PCDHA6: variants seen among roughly 807,000 people sequenced by gnomAD.
PCDHA6 encodes the protein protocadherin alpha-6.
PCDHA6 carries 55 observed loss-of-function variants against 60.3 expected under a neutral mutation model. The observed-to-expected ratio is 0.91, with a 90% confidence interval of 0.73 to 1.14. The LOEUF (loss-of-function observed/expected upper bound fraction) is 1.14, where lower values mean the gene tolerates loss of function less well. PCDHA6 is among the 50% of genes most tolerant of loss of function. The pLI is 0.00. For missense variants in PCDHA6, 1,327 were observed against 1,256.5 expected, an observed-to-expected ratio of 1.06 and a Z score of -0.85; for synonymous variants, 652 against 557.9, an observed-to-expected ratio of 1.17 and a Z score of -2.38.
At chr5:140,977,284 G>T (rs1377580391) in intron 1 of PCDHA6, among the ~76,000 whole-genome samples, 1 of 152,210 alleles carries the variant, frequency 6.6e-6, no homozygotes, top group Admixed American at 6.5e-5. Flanking sequence ...TCAAAGGAAG[G>T]TTCTCTCAGC....
chr5:140,944,058 G>A (rs185843356), intron 1 of PCDHA6, among the ~76,000 whole-genome samples: 116 of 152,248 alleles, frequency 7.6e-4, no homozygotes, highest in African/African-American at 2.7e-3. Flanking sequence ...ATACAAAAAG[G>A]TTTCTTGTTA....
At chr5:140,978,740 A>G (rs2096821027) in intron 1 of PCDHA6, among the ~76,000 whole-genome samples, 1 of 152,254 alleles carries the variant, frequency 6.6e-6, no homozygotes, top group Non-Finnish European at 1.5e-5. Flanking sequence ...CTTCCAGGGT[A>G]TCTAATCTGT....
intron 1 of PCDHA6, among the ~76,000 whole-genome samples, chr5:140,886,246 A>G (rs1337527671): frequency 1.3e-5 from 2 of 152,144 alleles, no homozygotes; most frequent in Admixed American, 1.3e-4. Flanking sequence ...AAATAAATAA[A>G]AGTATCTCTA....
In PCDHA6 at chr5:140,867,382, C is replaced by T. The variant is rs1201158672; in HGVS notation, c.2394+36897C>T. ...TTTTACAGATGCGTAATGGAATTAA[C>T]GGTTATAAAAGTTGATATGTCTCCT... On this transcript the variant is annotated intron_variant, in intron 1 of 3. Coordinates refer to ENST00000529310, the MANE Select transcript of PCDHA6 (RefSeq NM_018909.4). The T allele has an allele frequency of 4.6e-5, 7 of 152,006 alleles. No individual in the cohort carries two copies. In the East Asian group the frequency reaches 7.7e-4, roughly 17 times the overall value. 9.4% of individuals were successfully genotyped at this position (152,006 alleles called of 1,614,324 possible).
At chr5:140,945,790 T>C (rs1340396620) in intron 1 of PCDHA6, among the ~76,000 whole-genome samples, 2 of 152,010 alleles carry the variant, frequency 1.3e-5, no homozygotes, top group South Asian at 2.1e-4. Context: ...TGCAGAAAAA[T>C]GAAACTAGAC....
intron 3 of PCDHA6, among the ~76,000 whole-genome samples, chr5:140,989,715 G>A (rs2097356088): frequency 6.6e-6 from 1 of 152,166 alleles, no homozygotes; most frequent in Non-Finnish European, 1.5e-5. Flanking sequence ...GAGGCAGTCA[G>A]CTTTGCAGTT....
At chr5:140,967,996 C>T in intron 1 of PCDHA6, 2 of 1,614,214 alleles carry the variant, frequency 1.2e-6, no homozygotes, top group Non-Finnish European at 1.7e-6. Flanking sequence ...CACTGCCTTT[C>T]CGACTGAATG....
chr5:140,882,124 C>T (rs1166492594), intron 1 of PCDHA6: 2 of 1,459,646 alleles, frequency 1.4e-6, no homozygotes, highest in African/African-American at 1.4e-5. Flanking sequence ...CCGTTTCTTT[C>T]TTCCTGCAGA....
chr5:140,850,743 T>C, intron 1 of PCDHA6: 1 of 1,597,890 alleles, frequency 6.3e-7, no homozygotes, highest in Non-Finnish European at 8.6e-7. Context: ...GAGTTGGTCG[T>C]ACTCGCAGCA....
At chr5:140,940,940 G>T (rs187772223) in intron 1 of PCDHA6, among the ~76,000 whole-genome samples, 1 of 152,254 alleles carries the variant, frequency 6.6e-6, no homozygotes, top group Non-Finnish European at 1.5e-5. Context: ...CTTAGACTAC[G>T]TATTCTCAGA....
At chr5:140,849,348 G>A (rs1426659578) in intron 1 of PCDHA6, 2 of 1,434,152 alleles carry the variant, frequency 1.4e-6, no homozygotes, top group Non-Finnish European at 9.5e-7. Flanking sequence ...CTCCAGTGAT[G>A]TTTCTCCAGA....
At chr5:140,893,880 G>T (rs1426434148) in intron 1 of PCDHA6, among the ~76,000 whole-genome samples, 1 of 152,090 alleles carries the variant, frequency 6.6e-6, no homozygotes, top group African/African-American at 2.4e-5. Flanking sequence ...ATCCAAAGTG[G>T]CCAGAAAGTT....
chr5:140,893,781 G>A (rs113070458), intron 1 of PCDHA6, among the ~76,000 whole-genome samples: 3 of 151,996 alleles, frequency 2.0e-5, no homozygotes, highest in African/African-American at 4.8e-5. Flanking sequence ...TTCTTTTACC[G>A]TTTTTAGAAT....
At position 140,982,483 on chromosome 5, in the gene PCDHA6, A is replaced by C. The variant is rs1554244276; in HGVS notation, c.2462A>C (p.His821Pro). 1.2e-5 allele frequency: 20 copies of C among 1,614,142 alleles called. No homozygotes were observed. In the South Asian group the frequency reaches 1.9e-4, roughly 15 times the overall value. The stretch of plus-strand genomic sequence containing the variant: ...TCTGTGTGTTTATTCAGCTCTGTGC[A>C]CCTAGAGGAGGCTGGCATTCTACGG... ...SLRAGMHSSV[H>P]LEEAGILRAG... The change falls in exon 3 of 4, where the codon CAC becomes CCC. Residue 821 changes from histidine to proline, a missense_variant. By Grantham distance (77) the His-to-Pro change is moderately conservative. Coordinates refer to ENST00000529310, the MANE Select transcript of PCDHA6 (RefSeq NM_018909.4).
At chr5:140,935,203 A>G (rs1403808889) in intron 1 of PCDHA6, among the ~76,000 whole-genome samples, 1 of 152,160 alleles carries the variant, frequency 6.6e-6, no homozygotes, top group Non-Finnish European at 1.5e-5. Flanking sequence ...GTTTCTAGGT[A>G]TCTTCAGCTA....
At chr5:140,968,683 A>G (rs782664501) in intron 1 of PCDHA6, 7 of 1,614,164 alleles carry the variant, frequency 4.3e-6, no homozygotes. Flanking sequence ...AGCTGCACAC[A>G]GGAGAAATTA....
intron 1 of PCDHA6, chr5:140,883,182 A>G (rs2059477264): frequency 6.2e-7 from 1 of 1,614,024 alleles, no homozygotes; most frequent in Non-Finnish European, 8.5e-7. Context: ...ATTAGGACAA[A>G]AGGCAAACTA....
At chr5:140,922,107 T>C (rs1250364037) in intron 1 of PCDHA6, among the ~76,000 whole-genome samples, 1 of 152,028 alleles carries the variant, frequency 6.6e-6, no homozygotes, top group East Asian at 1.9e-4. Context: ...TATAGATAAA[T>C]GAAAATTCAC....
At chr5:140,933,618 G>T (rs2089270614) in intron 1 of PCDHA6, among the ~76,000 whole-genome samples, 1 of 151,904 alleles carries the variant, frequency 6.6e-6, no homozygotes, top group African/African-American at 2.4e-5. Flanking sequence ...TTCTTATTAG[G>T]TTAGGCTGGC....
Sources: gnomAD v4.1 joint callset for allele counts (sites outside exome capture counted in the v4.1 genomes callset) on GRCh38, gnomAD v4.1.1 for gene constraint, MANE v1.5 for transcripts, NCBI Gene and HGNC (gene_info 2026-07-23, HGNC 2026-07-21) for gene names.